Variants in PFAS observed in about 807,000 individuals in gnomAD.
PFAS encodes the protein phosphoribosylformylglycinamidine synthase, also known as FGAM synthase.
A neutral mutation model predicts 140.6 loss-of-function variants in PFAS; 97 were observed. The ratio of observed to expected loss-of-function variants is 0.69; its 90% CI spans 0.59 to 0.82. PFAS has a LOEUF of 0.82. Among genes scored for constraint, PFAS ranks in the 40% least tolerant of loss-of-function variants. PFAS has a pLI of 0.00. For synonymous variants in PFAS, 679 were observed against 718.8 expected (o/e 0.94, Z 0.88); for missense variants, 1,656 against 1,780.2 (o/e 0.93, Z 1.26).
Position 8,256,308 on chromosome 17 carries a change from T to C in PFAS, c.722T>C (p.Val241Ala), listed in dbSNP as rs770985519. Reference sequence around the variant, plus strand: ...TGGTTCTTCAAGGGCCAGCTCCACGTGGATGGGCAGAAGCTGGTGCACTCA... The same window carrying C: ...TGGTTCTTCAAGGGCCAGCTCCACGCGGATGGGCAGAAGCTGGTGCACTCA... ...RHWFFKGQLH[V>A]DGQKLVHSLF... The change falls in exon 7 of 28, where the codon GTG becomes GCG. Residue 241 changes from valine (V) to alanine (A), a missense_variant. Coordinates refer to ENST00000314666, the MANE Select transcript of PFAS (RefSeq NM_012393.3). The C allele has an allele frequency of 4.3e-6, 7 of 1,613,910 alleles. No homozygotes were observed. Among genetic ancestry groups the C allele is most frequent in the African/African-American group, 1.3e-5 (1 of 75,004 alleles).
rs1032559559 is a variant in PFAS at position 8,268,910 on chromosome 17, C to T, written c.3707-44C>T. The T allele has an allele frequency of 1.2e-6, 2 of 1,611,822 alleles. No homozygotes were observed. Among genetic ancestry groups the T allele is most frequent in the Non-Finnish European group, 1.7e-6 (2 of 1,178,514 alleles). On this transcript the variant is annotated intron_variant, in intron 27 of 27. Transcript: ENST00000314666. ...CCCGAGGGTTGGGGGCAAGGGTGGG[C>T]ATGAAGGACCTTGGCTCTCACTTCC...
Position 8,266,826 on chromosome 17 carries a change from G to T in PFAS, c.2895G>T (p.Leu965=), listed in dbSNP as rs759575909. Residue 965 remains leucine (L), a synonymous_variant, in exon 23 of 28, where the codon CTG becomes CTT. Transcript: ENST00000314666. This position sits in a 1 kb window ranked among gnomAD's most constrained non-coding sequence, Gnocchi z 5.0. The stretch of plus-strand genomic sequence containing the variant: ...AGGAGCCAGACCTGGCCCAGGTGCT[G>T]AAGCGTTACCGGGATGCTGGCCTCC... ...EVQEPDLAQV[L]KRYRDAGLHC... 1 of 1,611,736 alleles carries T rather than the reference G, an allele frequency of 6.2e-7. No homozygotes were observed. Among genetic ancestry groups the T allele is most frequent in the Non-Finnish European group, 8.5e-7 (1 of 1,179,912 alleles).
chr17:8,262,832 C>G, intron 11 of PFAS, 88 bp from the exon 12 acceptor site: 1 of 998,440 alleles, frequency 1.0e-6, no homozygotes, highest in Non-Finnish European at 1.6e-6. Context: ...TCCCTAACAT[C>G]AGCTTCCTCT....
upstream of PFAS, chr17:8,247,757 C>T: frequency 2.0e-6 from 1 of 512,380 alleles, no homozygotes; most frequent in South Asian, 2.4e-5. Flanking sequence ...TCCTGGTTTC[C>T]CACCAGGATT....
At chr17:8,249,158 A>G (rs1989017342), upstream of PFAS, 1 of 152,106 alleles carries the variant, frequency 6.6e-6, no homozygotes, top group Non-Finnish European at 1.5e-5. Context: ...GGGAGAAACC[A>G]CCTGGGGATA....
intron 11 of PFAS, among the ~76,000 whole-genome samples, chr17:8,258,532 A>C (rs1371615018): frequency 1.3e-5 from 2 of 152,166 alleles, no homozygotes; most frequent in South Asian, 4.1e-4. Context: ...TAAGCACAAG[A>C]GAAAATAATG....
intron 1 of PFAS, among the ~76,000 whole-genome samples, chr17:8,250,746 A>G (rs1417059989): frequency 6.6e-6 from 1 of 152,214 alleles, no homozygotes; most frequent in Non-Finnish European, 1.5e-5. Flanking sequence ...AGGTTGCAGC[A>G]GAGAAAGAGG....
In PFAS at chr17:8,261,505, C is replaced by T. The variant is rs542223243; in HGVS notation, c.1337-1415C>T. Among the ~76,000 whole-genome samples, 52 of 152,260 alleles carry T rather than the reference C, an allele frequency of 3.4e-4. No homozygotes were observed. The South Asian group carries it at 7.0e-3, about 21-fold the overall frequency. Reference sequence around the variant, plus strand: ...CCACCCGCCTCAGCCTCCCAAAGTGCTAGGATTACAGGCGTGAGCCACCGC... The same window carrying T: ...CCACCCGCCTCAGCCTCCCAAAGTGTTAGGATTACAGGCGTGAGCCACCGC... On this transcript the variant is annotated intron_variant, in intron 11 of 27. Coordinates refer to ENST00000314666, the MANE Select transcript of PFAS (RefSeq NM_012393.3).
At chr17:8,254,927 A>G in intron 3 of PFAS, 100 bp from the exon 4 acceptor site, 1 of 780,394 alleles carries the variant, frequency 1.3e-6, no homozygotes, top group Non-Finnish European at 2.2e-6. Flanking sequence ...GTGAGGGGAT[A>G]GCGGTGGGAG....
intron 11 of PFAS, among the ~76,000 whole-genome samples, chr17:8,259,638 C>T (rs372076809): frequency 1.3e-5 from 2 of 151,904 alleles, no homozygotes; most frequent in African/African-American, 2.4e-5. Flanking sequence ...AGAAATAAAA[C>T]TTAGCTGGAT....
intron 11 of PFAS, among the ~76,000 whole-genome samples, chr17:8,261,402 A>G (rs1343354026): frequency 2.6e-5 from 4 of 151,544 alleles, no homozygotes; most frequent in African/African-American, 9.7e-5. Flanking sequence ...ACACCTAGCT[A>G]ATTTCTTTTG....
chr17:8,264,188 G>C, intron 15 of PFAS, 24 bp from the exon 16 acceptor site: 1 of 1,613,096 alleles, frequency 6.2e-7, no homozygotes, highest in Non-Finnish European at 8.5e-7. Flanking sequence ...CATCCCCTCT[G>C]GGTGGGGTCC....
Position 8,268,943 on chromosome 17 carries a change from T to G in PFAS, c.3707-11T>G. The G allele has an allele frequency of 6.2e-7, 1 of 1,614,040 alleles. No individual in the cohort carries two copies. Among genetic ancestry groups the G allele is most frequent in the South Asian group, 1.1e-5 (1 of 91,086 alleles). On this transcript the variant is annotated splice_polypyrimidine_tract_variant and intron_variant, in intron 27 of 27. Coordinates refer to ENST00000314666, the MANE Select transcript of PFAS (RefSeq NM_012393.3). The stretch of plus-strand genomic sequence containing the variant: ...ACCTTGGCTCTCACTTCCCTCCTCC[T>G]TCCATCCCAGGTTACGTAGCATTTT...
At chr17:8,251,082 T>C (rs1293023927) in intron 1 of PFAS, among the ~76,000 whole-genome samples, 1 of 152,002 alleles carries the variant, frequency 6.6e-6, no homozygotes, top group East Asian at 1.9e-4. Context: ...GTTCAAGAGA[T>C]TGAGACCATC....
At chr17:8,248,868 C>G (rs1202307176), upstream of PFAS, among the ~76,000 whole-genome samples, 3 of 152,308 alleles carry the variant, frequency 2.0e-5, no homozygotes, top group African/African-American at 7.2e-5. Flanking sequence ...CTCCGTCTCC[C>G]TCCTAAGTGA....
intron 1 of PFAS, among the ~76,000 whole-genome samples, chr17:8,251,211 G>T (rs1001019300): frequency 6.6e-6 from 1 of 152,110 alleles, no homozygotes; most frequent in Non-Finnish European, 1.5e-5. Flanking sequence ...GCGTGAACCC[G>T]CAAGGCAGAG....
At chr17:8,262,853 T>A (rs984193301) in intron 11 of PFAS, 67 bp from the exon 12 acceptor site, 1 of 1,244,386 alleles carries the variant, frequency 8.0e-7, no homozygotes, top group Non-Finnish European at 1.2e-6. Flanking sequence ...GTGTTCACGC[T>A]GCCTTGCTTT....
At chr17:8,268,139 G>A (rs552408586) in intron 26 of PFAS, among the ~76,000 whole-genome samples, 27 of 145,404 alleles carry the variant, frequency 1.9e-4, no homozygotes, top group South Asian at 6.4e-4. Flanking sequence ...TTGGCTCACC[G>A]CAACCTCCAC....
At chr17:8,250,415 T>G (rs1252341011) in intron 1 of PFAS, among the ~76,000 whole-genome samples, 1 of 152,098 alleles carries the variant, frequency 6.6e-6, no homozygotes, top group Non-Finnish European at 1.5e-5. Context: ...GATGAAGAGA[T>G]GAGAGATTTG....
Sources: gnomAD v4.1 joint callset for allele counts (sites outside exome capture counted in the v4.1 genomes callset) on GRCh38, gnomAD v4.1.1 for gene constraint, Gnocchi (gnomAD v3.1) non-coding constraint, MANE v1.5 for transcripts, NCBI Gene and HGNC (gene_info 2026-07-23, HGNC 2026-07-21) for gene names.